The following RALYL variants were observed in gnomAD, a reference collection of about 807,000 sequenced individuals.
RALYL encodes the protein RNA-binding Raly-like protein.
A neutral mutation model predicts 35.1 loss-of-function variants in RALYL; 29 were observed. The ratio of observed to expected loss-of-function variants is 0.83; its 90% CI spans 0.61 to 1.13. The LOEUF is 1.13. RALYL is among the 50% of genes most tolerant of loss of function. RALYL has a pLI of 0.00. For synonymous variants in RALYL, 120 were observed against 127.6 expected, an observed-to-expected ratio of 0.94 and a Z score of 0.40; for missense variants, 359 against 360.4, an observed-to-expected ratio of 1.00 and a Z score of 0.03.
intron 2 of RALYL, among the ~76,000 whole-genome samples, chr8:84,617,360 A>C (rs1414925857): frequency 6.6e-5 from 10 of 150,622 alleles, no homozygotes; most frequent in Non-Finnish European, 1.2e-4. Context: ...AGCAATTGTG[A>C]ATGGGAGTTC....
intron 1 of RALYL, among the ~76,000 whole-genome samples, chr8:84,323,863 A>C (rs1279956604): frequency 6.6e-6 from 1 of 152,146 alleles, no homozygotes; most frequent in Admixed American, 6.5e-5. Context: ...AATATGACTC[A>C]GTGCAGAAAT....
intron 1 of RALYL, among the ~76,000 whole-genome samples, chr8:84,267,135 G>A (rs1833489730): frequency 6.6e-6 from 1 of 152,178 alleles, no homozygotes; most frequent in African/African-American, 2.4e-5. Context: ...AAAGGGCAGA[G>A]TGATCTTGCT....
intron 7 of RALYL, among the ~76,000 whole-genome samples, chr8:84,883,938 C>A (rs1842555586): frequency 6.6e-6 from 1 of 152,028 alleles, no homozygotes. Flanking sequence ...TTCGTTAGAG[C>A]ACACAGCAAC....
chr8:84,537,725 T>TA (rs770071470), intron 2 of RALYL, among the ~76,000 whole-genome samples: 1 of 152,320 alleles, frequency 6.6e-6, no homozygotes, highest in South Asian at 2.1e-4. Context: ...ATTACATTTT[T>TA]AAAAAATTAT....
chr8:84,575,474 G>T (rs369816640), intron 2 of RALYL, among the ~76,000 whole-genome samples: 1 of 152,068 alleles, frequency 6.6e-6, no homozygotes. Flanking sequence ...GTTACTGCTG[G>T]TCAATAATTG....
chr8:84,509,206 C>A (rs1306006704), intron 1 of RALYL, among the ~76,000 whole-genome samples: 1 of 152,092 alleles, frequency 6.6e-6, no homozygotes, highest in Admixed American at 6.6e-5. Context: ...CACTTGGGTT[C>A]ATGCATTTGA....
At chr8:84,790,645 T>G (rs1433211477) in intron 3 of RALYL, among the ~76,000 whole-genome samples, 5 of 152,324 alleles carry the variant, frequency 3.3e-5, no homozygotes, top group Non-Finnish European at 5.9e-5. Flanking sequence ...CTGAATTAAA[T>G]GTAAAAGAAT....
At chr8:84,727,908 A>T (rs1435398971) in intron 2 of RALYL, among the ~76,000 whole-genome samples, 1 of 151,968 alleles carries the variant, frequency 6.6e-6, no homozygotes, top group African/African-American at 2.4e-5. Flanking sequence ...AGTCCTTGCT[A>T]TTGTGAATAG....
rs537030434 is a variant in RALYL, at chr8:84,499,947, G to T, written c.-23-29352G>T. On this transcript the variant is annotated intron_variant, in intron 1 of 8. Transcript: ENST00000521268. ...TTTTCTCTATTTTTTGTAGAGCTAG[G>T]ATCTGGCTATGTTGTCTATGGCTAG... 9.2e-5 allele frequency among the ~76,000 whole-genome samples: 14 copies of T among 152,096 alleles called. No individual in the cohort carries two copies. The South Asian group carries it at 2.9e-3, about 32-fold the overall frequency.
Position 84,774,604 on chromosome 8 carries a change from A to C in RALYL, c.282A>C (p.Lys94Asn), listed in dbSNP as rs1227060364. ...ATATCAACATGGCAGGAGAGCCCAA[A>C]CCATACAGACCAAAACCTGGAAACA... ...PLDINMAGEP[K>N]PYRPKPGNKR... The change falls in exon 3 of 9, where the codon AAA becomes AAC. Residue 94 changes from lysine to asparagine, a missense_variant. Physicochemically the swap from Lys to Asn is moderately conservative, Grantham distance 94. Coordinates refer to ENST00000521268, the MANE Select transcript of RALYL (RefSeq NM_173848.7). The C allele has an allele frequency of 6.8e-6, 11 of 1,608,592 alleles. No individual in the cohort carries two copies. The highest frequency in any genetic ancestry group is 1.3e-5 in the African/African-American group (1 of 74,960).
At chr8:84,470,023 A>G (rs936340247) in intron 1 of RALYL, among the ~76,000 whole-genome samples, 7 of 152,030 alleles carry the variant, frequency 4.6e-5, no homozygotes, top group African/African-American at 1.2e-4. Context: ...GCACCCACTG[A>G]CCTGCGCCCA....
chr8:84,184,918 G>A, intron 1 of RALYL: 1 of 1,564,162 alleles, frequency 6.4e-7, no homozygotes, highest in Non-Finnish European at 8.8e-7. Flanking sequence ...CAGGCCACGC[G>A]AGCCGGAGCT....
chr8:84,660,191 T>A (rs1830646932), intron 2 of RALYL, among the ~76,000 whole-genome samples: 1 of 152,120 alleles, frequency 6.6e-6, no homozygotes, highest in Non-Finnish European at 1.5e-5. Flanking sequence ...GTTCTAAATT[T>A]TCAAATTTAT....
chr8:84,516,303 A>G (rs765664757), intron 1 of RALYL, among the ~76,000 whole-genome samples: 70 of 150,882 alleles, frequency 4.6e-4, no homozygotes, highest in African/African-American at 1.1e-3. Context: ...AAAATAATAT[A>G]CCTAATATGC....
intron 4 of RALYL, among the ~76,000 whole-genome samples, chr8:84,805,343 G>A (rs757795860): frequency 3.3e-5 from 5 of 152,110 alleles, no homozygotes; most frequent in East Asian, 3.8e-4. Context: ...TAAGACGAAC[G>A]CTTGCCTGCT....
intron 2 of RALYL, among the ~76,000 whole-genome samples, chr8:84,540,936 T>C (rs896606463): frequency 1.2e-4 from 19 of 152,178 alleles, no homozygotes; most frequent in Middle Eastern, 6.8e-3. Context: ...TTATCAAATA[T>C]ATTAGCATAA....
At chr8:84,460,827 A>G (rs2050685788) in intron 1 of RALYL, among the ~76,000 whole-genome samples, 1 of 151,630 alleles carries the variant, frequency 6.6e-6, no homozygotes, top group South Asian at 2.1e-4. Flanking sequence ...TAGATATAAC[A>G]AATATAAGCA....
At chr8:84,497,825 T>C (rs2056226135) in intron 1 of RALYL, among the ~76,000 whole-genome samples, 1 of 151,918 alleles carries the variant, frequency 6.6e-6, no homozygotes, top group African/African-American at 2.4e-5. Flanking sequence ...GTGTTTTTAG[T>C]AGAGACGGGG....
chr8:84,362,025 CA>C (rs1853148094), intron 1 of RALYL, among the ~76,000 whole-genome samples: 1 of 152,120 alleles, frequency 6.6e-6, no homozygotes, highest in African/African-American at 2.4e-5. Context: ...CAAAACTGAG[CA>C]GCCACTGTAC....
Sources: allele counts gnomAD v4.1 joint callset (sites outside exome capture counted in the v4.1 genomes callset), GRCh38; gene constraint gnomAD v4.1.1; transcripts MANE v1.5; gene names NCBI Gene and HGNC (gene_info 2026-07-23, HGNC 2026-07-21).